TRPC5: variants seen among roughly 807,000 people sequenced by gnomAD.
TRPC5 encodes transient receptor potential cation channel subfamily C member 5.
In TRPC5, 9 loss-of-function variants were observed where a neutral mutation model predicts 56.5. The observed-to-expected ratio is 0.16, with a 90% CI of 0.10 to 0.28. The LOEUF is 0.28. Ranked by LOEUF, TRPC5 falls within the 10% of genes least tolerant of loss-of-function variation. The pLI is 1.00. For synonymous variants in TRPC5, 282 were observed against 278.5 expected, an observed-to-expected ratio of 1.01 and a Z score of -0.13; for missense variants, 469 against 748.9, an observed-to-expected ratio of 0.63 and a Z score of 4.36.
At chrX:112,061,800 A>T (rs1400441457) in intron 1 of TRPC5, among the ~76,000 whole-genome samples, 1 of 111,621 alleles carries the variant, frequency 9.0e-6, no homozygotes, top group Non-Finnish European at 1.9e-5. Flanking sequence ...AAAGTCCAGA[A>T]GCAGGTTCTT....
intron 6 of TRPC5, among the ~76,000 whole-genome samples, chrX:111,844,986 C>T (rs942794250): frequency 9.1e-6 from 1 of 109,822 alleles, no homozygotes; most frequent in Admixed American, 9.7e-5. Context: ...ACCTGTAATC[C>T]CAGCACTTTG....
At chrX:111,841,901 G>A (rs1178998075) in intron 6 of TRPC5, among the ~76,000 whole-genome samples, 1 of 107,509 alleles carries the variant, frequency 9.3e-6, no homozygotes, top group East Asian at 2.9e-4. Context: ...AATAGAGACG[G>A]GATTTCGCCA....
At chrX:111,885,557 TA>T (rs77870285) in intron 3 of TRPC5, among the ~76,000 whole-genome samples, 4 of 106,225 alleles carry the variant, frequency 3.8e-5, no homozygotes, top group African/African-American at 1.4e-4. Context: ...TTTTTTTTTT[TA>T]AAAAAAGAAA....
At chrX:112,002,437 C>T (rs1285974370) in intron 1 of TRPC5, among the ~76,000 whole-genome samples, 1 of 111,678 alleles carries the variant, frequency 9.0e-6, no homozygotes, top group African/African-American at 3.3e-5. Context: ...GACTACAGAC[C>T]TGATCCACCA....
intron 5 of TRPC5, among the ~76,000 whole-genome samples, chrX:111,849,460 C>G (rs1923022095): frequency 8.9e-6 from 1 of 112,261 alleles, no homozygotes; most frequent in Non-Finnish European, 1.9e-5. Flanking sequence ...CCTTTGTAAT[C>G]CTAATGGAGC....
At chrX:111,871,423 A>G (rs1035391892) in intron 3 of TRPC5, among the ~76,000 whole-genome samples, 4 of 111,071 alleles carry the variant, frequency 3.6e-5, no homozygotes, top group Non-Finnish European at 7.5e-5. Context: ...GCAGTCAGAC[A>G]GACTGACCTG....
intron 1 of TRPC5, among the ~76,000 whole-genome samples, chrX:112,026,333 GA>G (rs1286019324): frequency 1.8e-5 from 2 of 112,383 alleles, no homozygotes; most frequent in African/African-American, 6.5e-5. Context: ...GCTAGTTACA[GA>G]AAAACTTTGG....
At position 111,855,072 on chromosome X, in the gene TRPC5, C is replaced by A. The variant is rs145612354; in HGVS notation, c.901-966G>T. 7.4e-3 allele frequency among the ~76,000 whole-genome samples: 835 copies of A among 112,349 alleles called. 6 individuals carry two copies. The highest frequency in any genetic ancestry group is 0.025 in the African/African-American group (784 of 30,957). On this transcript the variant is annotated intron_variant, in intron 3 of 10. Coordinates refer to ENST00000262839, the MANE Select transcript of TRPC5 (RefSeq NM_012471.3). ...TACTGCCTACATTTGACTACCCCAG[C>A]TTCCCATGGGACAGGTTAAACAGAG... is the stretch of plus-strand genomic sequence containing the variant.
chrX:111,807,956 CTGTGTGTGTG>C (rs60688414), intron 7 of TRPC5, among the ~76,000 whole-genome samples: 8 of 91,925 alleles, frequency 8.7e-5, no homozygotes, highest in South Asian at 9.1e-4. Context: ...CTCTCTCTCT[CTGTGTGTGTG>C]TGTGTGTGTG....
intron 7 of TRPC5, among the ~76,000 whole-genome samples, chrX:111,827,630 C>A (rs1922280303): frequency 9.0e-6 from 1 of 111,646 alleles, no homozygotes; most frequent in Non-Finnish European, 1.9e-5. Flanking sequence ...TATACAGAAT[C>A]TGACCACTTC....
chrX:111,907,232 G>GT (rs1925660763), intron 3 of TRPC5, among the ~76,000 whole-genome samples: 1 of 110,483 alleles, frequency 9.1e-6, no homozygotes, highest in South Asian at 3.9e-4. Flanking sequence ...ATGTTAATAT[G>GT]TTTTTTTCTT....
chrX:112,009,511 G>A (rs751704940), intron 1 of TRPC5, among the ~76,000 whole-genome samples: 4 of 111,680 alleles, frequency 3.6e-5, no homozygotes, highest in Non-Finnish European at 7.5e-5. Flanking sequence ...GTGATAACAT[G>A]CTTTGGGTCT....
intron 3 of TRPC5, among the ~76,000 whole-genome samples, chrX:111,859,058 A>C (rs188227690): frequency 2.8e-4 from 31 of 111,737 alleles, no homozygotes; most frequent in Non-Finnish European, 5.6e-5. Context: ...TGCAGGAGCA[A>C]CACCGTTTGT....
intron 2 of TRPC5, among the ~76,000 whole-genome samples, chrX:111,940,957 G>C (rs991433831): frequency 4.6e-4 from 51 of 111,335 alleles, no homozygotes; most frequent in African/African-American, 1.6e-3. Flanking sequence ...TGATGTCCCC[G>C]CTTCACCTTT....
intron 5 of TRPC5, among the ~76,000 whole-genome samples, chrX:111,850,070 G>A (rs1439456051): frequency 9.0e-6 from 1 of 111,631 alleles, no homozygotes; most frequent in African/African-American, 3.3e-5. Flanking sequence ...TGAGGGGGGT[G>A]TTATTATGTC....
At chrX:112,001,707 G>A (rs1490216672) in intron 1 of TRPC5, among the ~76,000 whole-genome samples, 2 of 111,745 alleles carry the variant, frequency 1.8e-5, no homozygotes, top group Non-Finnish European at 3.8e-5. Flanking sequence ...GTTGCAGTGA[G>A]CCAAGATCCT....
chrX:111,790,315 A>T (rs754776502), intron 7 of TRPC5, among the ~76,000 whole-genome samples: 10 of 111,603 alleles, frequency 9.0e-5, no homozygotes, highest in African/African-American at 3.3e-4. Context: ...AAGGACAGAA[A>T]ACCACACACT....
At chrX:111,980,793 A>G (rs925448891) in intron 1 of TRPC5, among the ~76,000 whole-genome samples, 1 of 108,051 alleles carries the variant, frequency 9.3e-6, no homozygotes, top group Non-Finnish European at 1.9e-5. Flanking sequence ...TTATTTCTAA[A>G]TTGTGTGCTA....
At chrX:112,023,386 T>G (rs1405245566) in intron 1 of TRPC5, among the ~76,000 whole-genome samples, 1 of 106,962 alleles carries the variant, frequency 9.3e-6, no homozygotes. Flanking sequence ...TCCAGCCTCT[T>G]GTGGGTTTCT....
Sources: allele counts gnomAD v4.1 joint callset (sites outside exome capture counted in the v4.1 genomes callset), GRCh38; gene constraint gnomAD v4.1.1; transcripts MANE v1.5; gene names NCBI Gene and HGNC (gene_info 2026-07-23, HGNC 2026-07-21).